The following ITSN2 variants were observed in gnomAD, a reference collection of about 807,000 sequenced individuals.
ITSN2 encodes intersectin-2.
Under a neutral mutation model 243.7 loss-of-function variants are expected in ITSN2, and 156 were observed. That is an observed-to-expected ratio of 0.64 (90% confidence interval 0.56 to 0.73). The LOEUF (loss-of-function observed/expected upper bound fraction) is 0.73. ITSN2 is among the 30% of genes least tolerant of loss of function. ITSN2 has a pLI of 0.00. For missense variants in ITSN2, 1,801 were observed against 1,996.1 expected (o/e 0.90, Z 1.86); for synonymous variants, 703 against 699.9 (o/e 1.00, Z -0.07).
intron 1 of ITSN2, among the ~76,000 whole-genome samples, chr2:24,347,046 G>A (rs1171967156): frequency 6.6e-6 from 1 of 151,726 alleles, no homozygotes; most frequent in Non-Finnish European, 1.5e-5. Flanking sequence ...TTTTGTACTA[G>A]TAGAGACAGG....
chr2:24,205,137 ACT>A (rs1332479357), intron 38 of ITSN2, 75 bp downstream of exon 38: 1 of 1,194,862 alleles, frequency 8.4e-7, no homozygotes, highest in East Asian at 2.4e-5. Context: ...ATACACTGAG[ACT>A]CTGTCTCAAA....
chr2:24,242,889 C>T (rs767343677), intron 29 of ITSN2, among the ~76,000 whole-genome samples: 4 of 152,022 alleles, frequency 2.6e-5, no homozygotes, highest in Non-Finnish European at 4.4e-5. Flanking sequence ...CACATATACC[C>T]GCCAGAAACA....
At chr2:24,232,873 C>G (rs1373679957) in intron 29 of ITSN2, among the ~76,000 whole-genome samples, 1 of 152,186 alleles carries the variant, frequency 6.6e-6, no homozygotes, top group Non-Finnish European at 1.5e-5. Context: ...CTACCAGGTC[C>G]TATGCTTGGT....
At chr2:24,243,830 G>A (rs1673021629) in intron 29 of ITSN2, among the ~76,000 whole-genome samples, 2 of 152,154 alleles carry the variant, frequency 1.3e-5, no homozygotes, top group Non-Finnish European at 2.9e-5. Flanking sequence ...GGAGCCACAG[G>A]CCACAAGTGG....
chr2:24,290,408 T>C (rs987405977), intron 15 of ITSN2, among the ~76,000 whole-genome samples: 2 of 152,228 alleles, frequency 1.3e-5, no homozygotes, highest in Non-Finnish European at 2.9e-5. Context: ...TTTTGATTTG[T>C]AGAAGCTCTA....
intron 1 of ITSN2, among the ~76,000 whole-genome samples, chr2:24,329,363 G>T (rs1030480284): frequency 6.6e-6 from 1 of 152,114 alleles, no homozygotes; most frequent in Admixed American, 6.6e-5. Context: ...GGGTTCAAGC[G>T]ATTCTCCAGC....
In ITSN2 at chr2:24,249,753, A is replaced by G. The variant is rs1171925409; in HGVS notation, c.3121-871T>C. 1.3e-5 allele frequency among the ~76,000 whole-genome samples: 2 copies of G among 152,232 alleles called. No individual in the cohort carries two copies. Among genetic ancestry groups the G allele is most frequent in the African/African-American group, 4.8e-5 (2 of 41,466 alleles). ...CAAGGTCACCCAGGCTCTAAGTGTT[A>G]CAGCTAAGAGTCAACCCAGGCAGTC... On this transcript the variant is annotated intron_variant, in intron 25 of 39. Transcript: ENST00000355123. This position sits in a 1 kb window ranked among gnomAD's most constrained non-coding sequence, Gnocchi z 4.4.
In ITSN2 at chr2:24,204,696, C is replaced by T; in HGVS notation, c.4763-278G>A. On this transcript the variant is annotated intron_variant, in intron 38 of 39. Coordinates refer to ENST00000355123, the MANE Select transcript of ITSN2 (RefSeq NM_006277.3). This position sits in a 1 kb window ranked among gnomAD's most constrained non-coding sequence, Gnocchi z 5.1. ...GGGTGAGTGTCACTGCAACCTGCTG[C>T]ATGCTTCCTCGGCGCAGACACACTC... 3.4e-6 allele frequency: 2 copies of T among 579,960 alleles called. No individual in the cohort carries two copies. The highest frequency in any genetic ancestry group is 1.5e-5 in the South Asian group (1 of 65,658). The allele number at this position is 579,960 out of a possible 1,614,324, so 35.9% of individuals were successfully genotyped here.
intron 18 of ITSN2, among the ~76,000 whole-genome samples, chr2:24,274,786 G>A (rs1677817379): frequency 6.6e-6 from 1 of 152,078 alleles, no homozygotes; most frequent in African/African-American, 2.4e-5. Context: ...TGCCTCCCTA[G>A]TAACTATTAG....
At chr2:24,227,383 A>G (rs1401906910) in intron 29 of ITSN2, among the ~76,000 whole-genome samples, 1 of 152,212 alleles carries the variant, frequency 6.6e-6, no homozygotes, top group Non-Finnish European at 1.5e-5. Flanking sequence ...ACAGTAGAAC[A>G]AAAATACACA....
intron 3 of ITSN2, among the ~76,000 whole-genome samples, chr2:24,313,741 A>G (rs1683553171): frequency 6.6e-6 from 1 of 152,246 alleles, no homozygotes; most frequent in Non-Finnish European, 1.5e-5. Flanking sequence ...TTGTATATTA[A>G]TCAGTGATGA....
chr2:24,214,492 T>C (rs560055389), intron 32 of ITSN2: 11 of 152,278 alleles, frequency 7.2e-5, no homozygotes, highest in African/African-American at 2.4e-4. Flanking sequence ...TTTTAAAAGA[T>C]TTTCTATTCT....
chr2:24,234,107 T>C (rs1671878765), intron 29 of ITSN2, among the ~76,000 whole-genome samples: 2 of 152,056 alleles, frequency 1.3e-5, no homozygotes, highest in South Asian at 4.2e-4. Flanking sequence ...ATCAAGCCAG[T>C]GTGATACTGG....
chr2:24,236,854 ATCTTT>A (rs1672218792), intron 29 of ITSN2, among the ~76,000 whole-genome samples: 1 of 147,252 alleles, frequency 6.8e-6, no homozygotes, highest in South Asian at 2.1e-4. Flanking sequence ...CTATCTATCT[ATCTTT>A]TATTTTTTAT....
In ITSN2 at chr2:24,284,877, C is replaced by CTACGTACAG. The variant is rs548037529; in HGVS notation, c.1864-43_1864-35dup. 2.0e-4 allele frequency: 177 copies of CTACGTACAG among 886,044 alleles called. 1 individual carries two copies. In the African/African-American group the frequency reaches 2.7e-3, roughly 13 times the overall value. 54.9% of individuals were successfully genotyped at this position (886,044 alleles called of 1,614,324 possible). A position where few individuals can be genotyped will look rare whatever the true frequency, so the allele number is the denominator to read the frequency against. ...TAAGGCAGATAAAAAGCCAATTAAA[C>CTACGTACAG]TACGTACAGAATTTTTTTTTTTTTT... is the stretch of plus-strand genomic sequence containing the variant. On this transcript the variant is annotated intron_variant, in intron 16 of 39. Coordinates refer to ENST00000355123, the MANE Select transcript of ITSN2 (RefSeq NM_006277.3).
chr2:24,224,101 T>C (rs1573914406), intron 29 of ITSN2, among the ~76,000 whole-genome samples: 1 of 152,124 alleles, frequency 6.6e-6, no homozygotes, highest in African/African-American at 2.4e-5. Context: ...CCTGGCGAAA[T>C]GGCACTGATC....
chr2:24,353,988 T>C (rs545003862), intron 1 of ITSN2, among the ~76,000 whole-genome samples: 1 of 152,358 alleles, frequency 6.6e-6, no homozygotes, highest in East Asian at 1.9e-4. Flanking sequence ...TTAGACCACA[T>C]AATAACATGG....
At chr2:24,255,972 G>C (rs539350852) in intron 23 of ITSN2, among the ~76,000 whole-genome samples, 1 of 151,854 alleles carries the variant, frequency 6.6e-6, no homozygotes, top group East Asian at 1.9e-4. Flanking sequence ...AGAATCGCTT[G>C]AACCCGGGAG....
rs201295238 is a variant in ITSN2, at chr2:24,254,381, T to C, written c.2939A>G (p.Tyr980Cys). Residue 980 changes from tyrosine (Y) to cysteine (C), a missense_variant, in exon 24 of 40, where the codon TAT (tyrosine) becomes TGT (cysteine). Physicochemically the swap from Tyr to Cys is radical, Grantham distance 194. Transcript: ENST00000355123. ...CAAAAGCTTACCTTCTCCAACTGAA[T>C]AGGCTGCCGAGGTAGGTTTCTTATT... ...AVNKKPTSAA[Y>C]SVGEEYIALY... The C allele has an allele frequency of 1.6e-4, 260 of 1,612,410 alleles. No homozygotes were observed. The East Asian group carries it at 4.9e-3, about 30-fold the overall frequency.
Sources: allele counts gnomAD v4.1 joint callset (sites outside exome capture counted in the v4.1 genomes callset), GRCh38; gene constraint gnomAD v4.1.1; non-coding constraint Gnocchi (gnomAD v3.1); transcripts MANE v1.5; gene names NCBI Gene and HGNC (gene_info 2026-07-23, HGNC 2026-07-21).